Variants in ATP10A observed in about 807,000 individuals in gnomAD.
The protein encoded by ATP10A is ATPase phospholipid transporting 10A (putative), also known as phospholipid-transporting ATPase VA.
A neutral mutation model predicts 147.8 loss-of-function variants in ATP10A; 111 were observed. That is an observed-to-expected ratio of 0.75 (90% confidence interval 0.64 to 0.88). The LOEUF is 0.88. Among genes scored for constraint, ATP10A ranks in the 40% least tolerant of loss-of-function variants. ATP10A has a pLI of 0.00. For synonymous variants in ATP10A, 875 were observed against 841.6 expected (o/e 1.04, Z -0.69); for missense variants, 1,927 against 1,959.0 (o/e 0.98, Z 0.31).
intron 12 of ATP10A, among the ~76,000 whole-genome samples, chr15:25,707,756 C>A (rs184470988): frequency 2.0e-5 from 3 of 152,304 alleles, no homozygotes; most frequent in Admixed American, 6.5e-5. Context: ...CAGCTGCTGT[C>A]TTGGGGTGCC....
chr15:25,700,287 G>A (rs79959771), intron 13 of ATP10A, among the ~76,000 whole-genome samples: 6,059 of 152,276 alleles, frequency 0.04, 161 homozygotes, highest in African/African-American at 0.056. Context: ...TGAAAAGCAG[G>A]CTGGTGTCTG....
At chr15:25,706,041 A>G (rs1225745958) in intron 12 of ATP10A, among the ~76,000 whole-genome samples, 2 of 152,234 alleles carry the variant, frequency 1.3e-5, no homozygotes, top group African/African-American at 2.4e-5. Context: ...TCCCGACTCC[A>G]ATCAGAGGAA....
chr15:25,851,063 C>A (rs975282767), intron 1 of ATP10A, among the ~76,000 whole-genome samples: 9 of 151,570 alleles, frequency 5.9e-5, no homozygotes, highest in African/African-American at 2.2e-4. Context: ...TCGGGGACTC[C>A]GCCGAACTTG....
chr15:25,687,747 AG>A lies in ATP10A; in HGVS notation c.3246del (p.Ser1083ProfsTer35), dbSNP rs1406999162. 1 of 1,612,714 alleles carries A rather than the reference AG, an allele frequency of 6.2e-7. No individual in the cohort carries two copies. Among genetic ancestry groups the A allele is most frequent in the Non-Finnish European group, 8.5e-7 (1 of 1,178,982 alleles). Reference protein sequence around the residue: ...RLLILHGHWCYSRLANMVLYF... With the variant: ...RLLILHGHWCXSRLANMVLYF... ...TACAGCACCATGTTGGCAAGTCGGG[AG>A]TAGCACCAATGCCCGTGAAGAATCA... On this transcript the variant is annotated frameshift_variant, in exon 16 of 21. Coordinates refer to ENST00000555815, the MANE Select transcript of ATP10A (RefSeq NM_024490.4). LOFTEE classifies it high-confidence loss of function.
chr15:25,839,960 C>G (rs1397128919), intron 1 of ATP10A, among the ~76,000 whole-genome samples: 1 of 152,080 alleles, frequency 6.6e-6, no homozygotes, highest in African/African-American at 2.4e-5. Flanking sequence ...TGCAGTTTCT[C>G]AACCACAACC....
intron 2 of ATP10A, among the ~76,000 whole-genome samples, chr15:25,752,969 T>G (rs1596817561): frequency 6.6e-6 from 1 of 152,324 alleles, no homozygotes; most frequent in South Asian, 2.1e-4. Flanking sequence ...TGTAAACTAA[T>G]CATTTATAAT....
At chr15:25,799,150 G>A (rs1220901537) in intron 1 of ATP10A, among the ~76,000 whole-genome samples, 2 of 152,114 alleles carry the variant, frequency 1.3e-5, no homozygotes, top group African/African-American at 4.8e-5. Flanking sequence ...TACGGAACTT[G>A]TTTTTCTTTC....
chr15:25,708,802 C>T (rs1901211634), intron 10 of ATP10A: 2 of 157,254 alleles, frequency 1.3e-5, no homozygotes, highest in African/African-American at 4.8e-5. Context: ...AGGATCCTTA[C>T]AAGTAGCATT....
chr15:25,857,480 G>A (rs1893568470), intron 1 of ATP10A, among the ~76,000 whole-genome samples: 1 of 152,070 alleles, frequency 6.6e-6, no homozygotes, highest in Admixed American at 6.6e-5. Context: ...TATGATAATG[G>A]TATTTATAGT....
chr15:25,699,776 G>C (rs1304948156), intron 13 of ATP10A, among the ~76,000 whole-genome samples: 1 of 152,164 alleles, frequency 6.6e-6, no homozygotes, highest in Non-Finnish European at 1.5e-5. Context: ...GCTGAGGCAG[G>C]AGGATCCCTT....
intron 6 of ATP10A, 120 bp downstream of exon 6, chr15:25,723,771 T>C: frequency 1.2e-6 from 1 of 819,398 alleles, no homozygotes; most frequent in South Asian, 3.1e-5. Flanking sequence ...GAACTCCAGG[T>C]AGATATATTT....
At chr15:25,846,112 G>A (rs146932698) in intron 1 of ATP10A, among the ~76,000 whole-genome samples, 1,734 of 152,244 alleles carry the variant, frequency 0.011, 50 homozygotes, top group Admixed American at 0.055. Context: ...AGTCCACTTC[G>A]TAGAGGCTGA....
chr15:25,753,753 TCATATA>T (rs1888273968), intron 2 of ATP10A, among the ~76,000 whole-genome samples: 1 of 148,652 alleles, frequency 6.7e-6, no homozygotes, highest in Admixed American at 6.8e-5. Flanking sequence ...GTTATATATA[TCATATA>T]TAGTTATATA....
intron 2 of ATP10A, among the ~76,000 whole-genome samples, chr15:25,780,653 G>A (rs1889872725): frequency 6.6e-6 from 1 of 152,198 alleles, no homozygotes; most frequent in Non-Finnish European, 1.5e-5. Flanking sequence ...CATCCTGGTG[G>A]GAACAGGCCA....
chr15:25,811,562 A>G (rs1482978704), intron 1 of ATP10A, among the ~76,000 whole-genome samples: 5 of 152,106 alleles, frequency 3.3e-5, no homozygotes, highest in Admixed American at 2.6e-4. Flanking sequence ...CTCTTGTTAG[A>G]GGAGTGCACA....
At chr15:25,810,370 C>T (rs1357657233) in intron 1 of ATP10A, among the ~76,000 whole-genome samples, 1 of 152,214 alleles carries the variant, frequency 6.6e-6, no homozygotes, top group Admixed American at 6.5e-5. Context: ...ACCTGCACCG[C>T]TCAGCTGTCA....
At chr15:25,699,941 A>G (rs1900571215) in intron 13 of ATP10A, among the ~76,000 whole-genome samples, 1 of 152,190 alleles carries the variant, frequency 6.6e-6, no homozygotes, top group African/African-American at 2.4e-5. Context: ...TTTGTGAAAG[A>G]CAATATTAAA....
intron 2 of ATP10A, among the ~76,000 whole-genome samples, chr15:25,739,508 G>T (rs1887470459): frequency 6.6e-6 from 1 of 152,144 alleles, no homozygotes; most frequent in Admixed American, 6.5e-5. Flanking sequence ...GGTCTCTGTT[G>T]CCCTATAAGT....
intron 1 of ATP10A, chr15:25,861,816 CT>C (rs1278640276): frequency 6.4e-6 from 1 of 156,760 alleles, no homozygotes; most frequent in Admixed American, 6.1e-5. Context: ...GTGGTCCAGG[CT>C]GCTGGACACA....
Sources: gnomAD v4.1 joint callset for allele counts (sites outside exome capture counted in the v4.1 genomes callset) on GRCh38, gnomAD v4.1.1 for gene constraint, MANE v1.5 for transcripts, NCBI Gene and HGNC (gene_info 2026-07-23, HGNC 2026-07-21) for gene names.